Variants in PEAK1 observed in about 807,000 individuals in gnomAD.
PEAK1 encodes pseudopodium enriched atypical kinase 1, also known as inactive tyrosine-protein kinase PEAK1.
A neutral mutation model predicts 124.7 loss-of-function variants in PEAK1; 54 were observed. That is an observed-to-expected ratio of 0.43 (90% CI 0.35 to 0.54). The LOEUF is 0.54. Among genes scored for constraint, PEAK1 ranks in the 20% least tolerant of loss-of-function variants. The probability of loss-of-function intolerance (pLI) is 0.01; values close to 1 mark genes in which losing one functional copy is unlikely to be tolerated. For synonymous variants in PEAK1, 719 were observed against 760.0 expected (o/e 0.95, Z 0.89); for missense variants, 2,046 against 2,134.5 (o/e 0.96, Z 0.82).
At chr15:77,159,804 T>C (rs2055471968) in intron 7 of PEAK1, among the ~76,000 whole-genome samples, 1 of 152,194 alleles carries the variant, frequency 6.6e-6, no homozygotes, top group African/African-American at 2.4e-5. Context: ...AGGGAGTAGA[T>C]CTAAAGGCAA....
Position 77,181,328 on chromosome 15 carries a change from C to A in PEAK1, c.599G>T (p.Gly200Val). The A allele has an allele frequency of 6.2e-7, 1 of 1,614,120 alleles. No individual in the cohort carries two copies. The highest frequency in any genetic ancestry group is 1.1e-5 in the South Asian group (1 of 91,068). Residue 200 changes from glycine (G) to valine (V), a missense_variant, in exon 7 of 10, where the codon GGG becomes GTG. Physicochemically the swap from Gly to Val is moderately radical, Grantham distance 109 (BLOSUM62 -3). Coordinates refer to ENST00000682557, the MANE Select transcript of PEAK1 (RefSeq NM_001385026.1). ...RKLPPSCMIG[G>V]IKETQGKHVI... ...ATGCTTGCCCTGAGTTTCCTTTATC[C>A]CACCTATCATGCAACTTGGTGGAAG...
At chr15:77,353,084 G>T in intron 2 of PEAK1, 1 of 694,388 alleles carries the variant, frequency 1.4e-6, no homozygotes, top group Non-Finnish European at 1.8e-6. Flanking sequence ...AAGCATGGAA[G>T]CAGCAAACAC....
intron 1 of PEAK1, among the ~76,000 whole-genome samples, chr15:77,396,134 T>A (rs1017430128): frequency 6.6e-6 from 1 of 152,140 alleles, no homozygotes; most frequent in Non-Finnish European, 1.5e-5. Flanking sequence ...ATCAGTGTTA[T>A]CACCAATTTA....
In PEAK1 at chr15:77,361,476, T is replaced by C. The variant is rs1224445415; in HGVS notation, c.-603+3687A>G. On this transcript the variant is annotated intron_variant, in intron 2 of 9. Transcript: ENST00000682557. The stretch of plus-strand genomic sequence containing the variant: ...AACAATCAAAAAAAGAATGAAAAAA[T>C]GCTCAACATTGTTAATCAAGGAGAT... Among the ~76,000 whole-genome samples, 5 of 152,058 alleles carry C rather than the reference T, an allele frequency of 3.3e-5. No individual in the cohort carries two copies. In the East Asian group the frequency reaches 5.8e-4, roughly 18 times the overall value.
intron 1 of PEAK1, chr15:77,401,939 C>A: frequency 1.0e-6 from 1 of 981,250 alleles, no homozygotes; most frequent in Non-Finnish European, 1.2e-6. Flanking sequence ...TGGCTCACAC[C>A]TGTAATCCCA....
chr15:77,125,775 G>T (rs2052324998), intron 9 of PEAK1, among the ~76,000 whole-genome samples: 1 of 152,218 alleles, frequency 6.6e-6, no homozygotes, highest in African/African-American at 2.4e-5. Flanking sequence ...TACAAATGCA[G>T]TTTCCAAGGC....
chr15:77,293,801 G>C (rs1359946071), intron 2 of PEAK1, among the ~76,000 whole-genome samples: 2 of 152,144 alleles, frequency 1.3e-5, no homozygotes, highest in Non-Finnish European at 2.9e-5. Context: ...TATAGAGACA[G>C]AAAATATTTG....
At chr15:77,385,641 G>C (rs1419702981) in intron 1 of PEAK1, among the ~76,000 whole-genome samples, 2 of 152,186 alleles carry the variant, frequency 1.3e-5, no homozygotes, top group Non-Finnish European at 2.9e-5. Context: ...GGGTGCCAAG[G>C]CTGCCTCAAT....
chr15:77,228,284 A>G (rs990256801), intron 6 of PEAK1, among the ~76,000 whole-genome samples: 42 of 152,280 alleles, frequency 2.8e-4, no homozygotes, highest in African/African-American at 9.9e-4. Flanking sequence ...CTCATGTTCT[A>G]ACATTTATGA....
At chr15:77,394,542 T>C (rs2070742177) in intron 1 of PEAK1, among the ~76,000 whole-genome samples, 2 of 152,144 alleles carry the variant, frequency 1.3e-5, no homozygotes, top group South Asian at 2.1e-4. Context: ...AGCACCTCTA[T>C]GGGTCTGCAA....
intron 2 of PEAK1, among the ~76,000 whole-genome samples, chr15:77,292,752 C>T (rs1037584914): frequency 2.6e-5 from 4 of 152,044 alleles, no homozygotes; most frequent in East Asian, 1.9e-4. Context: ...TTTGGAAATA[C>T]GCAGTTAGTG....
intron 1 of PEAK1, among the ~76,000 whole-genome samples, chr15:77,392,158 C>T (rs1202460211): frequency 6.6e-6 from 1 of 152,144 alleles, no homozygotes; most frequent in Non-Finnish European, 1.5e-5. Context: ...AGGCTTGTCA[C>T]AAAGAAGGCA....
At chr15:77,169,042 T>C (rs1386034877) in intron 7 of PEAK1, among the ~76,000 whole-genome samples, 1 of 152,230 alleles carries the variant, frequency 6.6e-6, no homozygotes, top group Non-Finnish European at 1.5e-5. Context: ...TTTCTTAATG[T>C]CTACATTAGA....
intron 5 of PEAK1, among the ~76,000 whole-genome samples, chr15:77,253,597 TTG>T (rs2060985227): frequency 6.6e-6 from 1 of 152,094 alleles, no homozygotes; most frequent in Admixed American, 6.5e-5. Flanking sequence ...AAATGTGAAA[TTG>T]TCTTACTTTA....
chr15:77,284,324 A>C (rs1164984215), intron 4 of PEAK1, among the ~76,000 whole-genome samples: 1 of 152,240 alleles, frequency 6.6e-6, no homozygotes, highest in Non-Finnish European at 1.5e-5. Context: ...TTAGCTATTC[A>C]CATGTGAAGC....
At chr15:77,259,811 T>A (rs1431888407) in intron 5 of PEAK1, among the ~76,000 whole-genome samples, 1 of 151,950 alleles carries the variant, frequency 6.6e-6, no homozygotes, top group South Asian at 2.1e-4. Context: ...ACCACTTCAG[T>A]AGAGGGAGGA....
intron 6 of PEAK1, among the ~76,000 whole-genome samples, chr15:77,208,863 C>T (rs2058779377): frequency 1.3e-5 from 2 of 152,110 alleles, no homozygotes; most frequent in African/African-American, 4.8e-5. Context: ...GAAGTCATGA[C>T]CAATTATTAA....
At chr15:77,244,737 C>G (rs926911458) in intron 6 of PEAK1, among the ~76,000 whole-genome samples, 1 of 151,986 alleles carries the variant, frequency 6.6e-6, no homozygotes, top group Non-Finnish European at 1.5e-5. Context: ...TAAAGGCATG[C>G]ACCACCATGC....
intron 6 of PEAK1, among the ~76,000 whole-genome samples, chr15:77,238,395 A>G (rs2060215506): frequency 6.6e-6 from 1 of 152,098 alleles, no homozygotes; most frequent in African/African-American, 2.4e-5. Context: ...AACTTCAAAA[A>G]GCTCTAAAGT....
Sources: allele counts gnomAD v4.1 joint callset (sites outside exome capture counted in the v4.1 genomes callset), GRCh38; gene constraint gnomAD v4.1.1; transcripts MANE v1.5; gene names NCBI Gene and HGNC (gene_info 2026-07-23, HGNC 2026-07-21).